The following RNF111 variants were observed in gnomAD, a reference collection of about 807,000 sequenced individuals.
The protein encoded by RNF111 is E3 ubiquitin-protein ligase Arkadia.
In RNF111, 17 loss-of-function variants were observed where a neutral mutation model predicts 95.1. That is an observed-to-expected ratio of 0.18 (90% CI 0.12 to 0.27). RNF111 has a LOEUF of 0.27. Ranked by LOEUF, RNF111 falls within the 10% of genes least tolerant of loss-of-function variation. RNF111 has a pLI of 1.00. For synonymous variants in RNF111, 440 were observed against 414.8 expected, an observed-to-expected ratio of 1.06 and a Z score of -0.74; for missense variants, 1,189 against 1,210.4, an observed-to-expected ratio of 0.98 and a Z score of 0.26.
intron 1 of RNF111, among the ~76,000 whole-genome samples, chr15:58,990,781 C>T (rs977326544): frequency 6.6e-6 from 1 of 152,136 alleles, no homozygotes. Context: ...TTTTTTATTA[C>T]TCCTGGTAAC....
chr15:58,994,955 C>T (rs770446253), intron 1 of RNF111, among the ~76,000 whole-genome samples: 31 of 152,178 alleles, frequency 2.0e-4, no homozygotes, highest in Non-Finnish European at 1.8e-4. Context: ...CCAGTTTTGT[C>T]GAATTGTCCT....
chr15:59,088,250 C>G (rs192332933), intron 10 of RNF111, among the ~76,000 whole-genome samples: 2 of 151,870 alleles, frequency 1.3e-5, no homozygotes, highest in African/African-American at 2.4e-5. Context: ...GGATTGAGTT[C>G]GAATAGGAGA....
At chr15:59,055,919 C>A in intron 4 of RNF111, 74 bp downstream of exon 4, 1 of 1,194,980 alleles carries the variant, frequency 8.4e-7, no homozygotes, top group Non-Finnish European at 1.1e-6. Context: ...ATGCTAGAAA[C>A]TCCTCCTGCT....
At chr15:59,061,302 C>T (rs1223994683) in intron 5 of RNF111, among the ~76,000 whole-genome samples, 1 of 152,138 alleles carries the variant, frequency 6.6e-6, no homozygotes, top group African/African-American at 2.4e-5. Context: ...ACTATGTTCT[C>T]CACAACCCGT....
chr15:59,076,270 G>A (rs1361121689), intron 7 of RNF111, 55 bp downstream of exon 7: 3 of 1,563,678 alleles, frequency 1.9e-6, no homozygotes, highest in South Asian at 1.1e-5. Context: ...GAAGCATTTT[G>A]TACTTCCTTA....
intron 1 of RNF111, among the ~76,000 whole-genome samples, chr15:59,025,032 T>C (rs915897617): frequency 6.6e-6 from 1 of 152,260 alleles, no homozygotes; most frequent in Non-Finnish European, 1.5e-5. Context: ...TATTTCATTG[T>C]ACGTGTATAT....
chr15:59,000,136 C>G (rs1485510520), intron 1 of RNF111, among the ~76,000 whole-genome samples: 1 of 149,794 alleles, frequency 6.7e-6, no homozygotes, highest in African/African-American at 2.5e-5. Context: ...AAAGCTTTTT[C>G]AGATCTTCCA....
At chr15:59,018,024 G>A (rs1255554783) in intron 1 of RNF111, among the ~76,000 whole-genome samples, 5 of 152,032 alleles carry the variant, frequency 3.3e-5, no homozygotes, top group African/African-American at 7.2e-5. Flanking sequence ...CTCCCAAAGC[G>A]CTGGGATTAT....
chr15:59,009,590 G>A (rs562832815), intron 1 of RNF111, among the ~76,000 whole-genome samples: 13 of 151,718 alleles, frequency 8.6e-5, no homozygotes, highest in African/African-American at 2.9e-4. Flanking sequence ...AATATAGAAC[G>A]ATACCAAAAT....
Position 59,089,836 on chromosome 15 carries a change from A to G in RNF111, c.2643+77A>G. ...TGAGTATATATATACTACTATACAC[A>G]ATTGTGTAGGACTGCTACAGTGGCT... On this transcript the variant is annotated intron_variant, in intron 11 of 13. Transcript: ENST00000348370. 6 of 978,852 alleles carry G rather than the reference A, an allele frequency of 6.1e-6. 1 individual carries two copies. In the South Asian group the frequency reaches 7.0e-5, roughly 11 times the overall value. The allele number at this position is 978,852 out of a possible 1,614,324, so 60.6% of individuals were successfully genotyped here. A position where few individuals can be genotyped will look rare whatever the true frequency, so the allele number is the denominator to read the frequency against.
chr15:58,998,023 G>C (rs1452715940), intron 1 of RNF111, among the ~76,000 whole-genome samples: 1 of 151,508 alleles, frequency 6.6e-6, no homozygotes, highest in Non-Finnish European at 1.5e-5. Flanking sequence ...TCCTGCCTCA[G>C]GCTCCCTAGT....
rs372119314 is a variant in RNF111, at chr15:59,068,101, G to A, written c.1686+1018G>A. ...ATGTACGATTATGATATAAGTCTGCGTGTTGCAACTCAGGAGGCTGAGGCA... is the reference window on the plus strand; with the variant it reads ...ATGTACGATTATGATATAAGTCTGCATGTTGCAACTCAGGAGGCTGAGGCA... On this transcript the variant is annotated intron_variant, in intron 6 of 13. Transcript: ENST00000348370. Among the ~76,000 whole-genome samples the A allele has an allele frequency of 1.3e-4, 20 of 152,188 alleles. No individual in the cohort carries two copies. The East Asian group carries it at 1.3e-3, about 10-fold the overall frequency.
intron 7 of RNF111, 94 bp from the exon 8 acceptor site, chr15:59,080,842 T>C (rs2078720164): frequency 1.0e-6 from 1 of 980,512 alleles, no homozygotes; most frequent in African/African-American, 1.7e-5. Flanking sequence ...AATAAAATAC[T>C]AATATGTTTA....
chr15:59,027,537 T>A (rs1477688476), intron 1 of RNF111, among the ~76,000 whole-genome samples: 1 of 152,026 alleles, frequency 6.6e-6, no homozygotes, highest in Non-Finnish European at 1.5e-5. Flanking sequence ...TTTTTTCTTT[T>A]TTTTTTTGGG....
chr15:59,087,578 A>C (rs749018589), intron 10 of RNF111, among the ~76,000 whole-genome samples: 1 of 152,240 alleles, frequency 6.6e-6, no homozygotes, highest in Non-Finnish European at 1.5e-5. Context: ...AGTTTACAAT[A>C]AAGTAGAAAA....
intron 1 of RNF111, among the ~76,000 whole-genome samples, chr15:59,024,525 T>A (rs2040505892): frequency 6.6e-6 from 1 of 152,210 alleles, no homozygotes; most frequent in Non-Finnish European, 1.5e-5. Context: ...GGTGATTTTT[T>A]AAAGTGTGTT....
chr15:59,084,168 G>A lies in RNF111; in HGVS notation c.2337G>A (p.Met779Ile). 6.2e-7 allele frequency: 1 copy of A among 1,609,710 alleles called. No homozygotes were observed. The change falls in exon 9 of 14, where the codon ATG (methionine) becomes ATA (isoleucine). Residue 779 changes from methionine (M) to isoleucine (I), a missense_variant. Met to Ile is a conservative substitution (Grantham distance 10). Transcript: ENST00000348370. ...HERPPPHPHR[M>I]HPNYGHGHHI... ...GCCCCCCACCCCATCCACATAGGATGCACCCAAACTATGGTCATGGGCATC... is the reference window on the plus strand; with the variant it reads ...GCCCCCCACCCCATCCACATAGGATACACCCAAACTATGGTCATGGGCATC...
intron 5 of RNF111, 23 bp from the exon 6 acceptor site, chr15:59,066,741 T>A: frequency 6.3e-7 from 1 of 1,583,574 alleles, no homozygotes; most frequent in Non-Finnish European, 8.7e-7. Context: ...TTGATTATTC[T>A]GTGCATTTTT....
chr15:59,037,692 C>T (rs147886970), intron 2 of RNF111, among the ~76,000 whole-genome samples: 159 of 152,182 alleles, frequency 1.0e-3, no homozygotes, highest in African/African-American at 3.3e-3. Flanking sequence ...CAAAATTAGC[C>T]GAGCGTGGTG....
Sources: gnomAD v4.1 joint callset for allele counts (sites outside exome capture counted in the v4.1 genomes callset) on GRCh38, gnomAD v4.1.1 for gene constraint, MANE v1.5 for transcripts, NCBI Gene and HGNC (gene_info 2026-07-23, HGNC 2026-07-21) for gene names.